SNX30: variants seen among roughly 807,000 people sequenced by gnomAD.
SNX30 encodes sorting nexin family member 30.
In SNX30, 24 loss-of-function variants were observed where a neutral mutation model predicts 46.4. That is an observed-to-expected ratio of 0.52 (90% CI 0.37 to 0.73). SNX30 has a LOEUF of 0.73. Ranked by LOEUF, SNX30 falls within the 30% of genes least tolerant of loss-of-function variation. The pLI is 0.00. For missense variants in SNX30, 533 were observed against 555.7 expected (o/e 0.96, Z 0.41); for synonymous variants, 189 against 211.5 (o/e 0.89, Z 0.92).
intron 7 of SNX30, among the ~76,000 whole-genome samples, chr9:112,863,534 C>A (rs1841272091): frequency 2.0e-5 from 3 of 152,204 alleles, no homozygotes; most frequent in Admixed American, 6.5e-5. Context: ...GTCTTCTAAA[C>A]CTCTTTAAGA....
At chr9:112,861,625 C>G (rs1057184005) in intron 7 of SNX30, among the ~76,000 whole-genome samples, 1 of 152,160 alleles carries the variant, frequency 6.6e-6, no homozygotes, top group Non-Finnish European at 1.5e-5. Flanking sequence ...GACTTTGGGA[C>G]GAGCCTCAGG....
At chr9:112,828,747 A>G (rs1221060267) in intron 3 of SNX30, among the ~76,000 whole-genome samples, 1 of 152,212 alleles carries the variant, frequency 6.6e-6, no homozygotes, top group Non-Finnish European at 1.5e-5. Flanking sequence ...ACTTTGAGGT[A>G]TGTAATACGC....
At chr9:112,876,826 C>A (rs1015412170), downstream of SNX30, among the ~76,000 whole-genome samples, 11 of 151,886 alleles carry the variant, frequency 7.2e-5, no homozygotes, top group African/African-American at 2.7e-4. Flanking sequence ...TTCCCAGCTG[C>A]TCAGGTGGCT....
At chr9:112,865,661 A>ATGTGTGTGTGTGTGTGTGTGTGTG (rs1277699270) in intron 8 of SNX30, among the ~76,000 whole-genome samples, 4 of 105,702 alleles carry the variant, frequency 3.8e-5, no homozygotes, top group Admixed American at 9.5e-5. Context: ...ATATATATAT[A>ATGTGTGTGTGTGTGTGTGTGTGTG]TGTATGTATG....
At chr9:112,837,395 A>G (rs1442782875) in intron 5 of SNX30, among the ~76,000 whole-genome samples, 1 of 152,018 alleles carries the variant, frequency 6.6e-6, no homozygotes, top group Non-Finnish European at 1.5e-5. Context: ...CTGCCAGTGT[A>G]AGACCACATC....
intron 7 of SNX30, among the ~76,000 whole-genome samples, chr9:112,854,049 C>G (rs1187744239): frequency 2.0e-5 from 3 of 152,240 alleles, no homozygotes; most frequent in East Asian, 1.9e-4. Context: ...AGCATCTGTA[C>G]AAGCTCAGCA....
chr9:112,830,236 T>A (rs951466907), intron 3 of SNX30, among the ~76,000 whole-genome samples: 2 of 151,918 alleles, frequency 1.3e-5, no homozygotes, highest in African/African-American at 4.8e-5. Flanking sequence ...ATAAAAGGTA[T>A]TTTTTTTAGA....
chr9:112,862,948 T>C (rs563285049), intron 7 of SNX30, among the ~76,000 whole-genome samples: 1 of 152,268 alleles, frequency 6.6e-6, no homozygotes, highest in Admixed American at 6.5e-5. Context: ...GCTTTTAAAT[T>C]TCCAGAGTGT....
chr9:112,777,410 T>C (rs1839763725), intron 1 of SNX30, among the ~76,000 whole-genome samples: 2 of 151,114 alleles, frequency 1.3e-5, no homozygotes, highest in Non-Finnish European at 2.9e-5. Context: ...CATATAATCT[T>C]TTTAAAGATA....
intron 1 of SNX30, 30 bp downstream of exon 1, chr9:112,751,187 G>T: frequency 2.8e-6 from 4 of 1,417,356 alleles, no homozygotes; most frequent in Non-Finnish European, 3.7e-6. Flanking sequence ...GGAGTGGGAG[G>T]CTTATTTCGC....
intron 1 of SNX30, among the ~76,000 whole-genome samples, chr9:112,788,020 TG>T: frequency 6.6e-6 from 1 of 152,054 alleles, no homozygotes; most frequent in Non-Finnish European, 1.5e-5. Context: ...AGGCTGGTCT[TG>T]AACTCCTGAC....
At chr9:112,865,846 G>A (rs1056362457) in intron 8 of SNX30, among the ~76,000 whole-genome samples, 4 of 151,364 alleles carry the variant, frequency 2.6e-5, no homozygotes, top group African/African-American at 9.7e-5. Context: ...AGTGCAGTCT[G>A]TTACCCAGAG....
At chr9:112,754,178 C>T (rs115657242) in intron 1 of SNX30, among the ~76,000 whole-genome samples, 26 of 152,224 alleles carry the variant, frequency 1.7e-4, no homozygotes, top group African/African-American at 4.3e-4. Context: ...CAAGATGGTG[C>T]GATGAACAGG....
At chr9:112,834,623 A>G (rs1168395820) in intron 4 of SNX30, among the ~76,000 whole-genome samples, 2 of 152,228 alleles carry the variant, frequency 1.3e-5, no homozygotes, top group Non-Finnish European at 2.9e-5. Flanking sequence ...AAGCTTCGTG[A>G]CAGCAGCATT....
intron 6 of SNX30, among the ~76,000 whole-genome samples, chr9:112,846,699 C>A (rs146918371): frequency 0.011 from 1,642 of 152,338 alleles, 9 homozygotes; most frequent in Non-Finnish European, 0.016. Context: ...TATGAACCAT[C>A]CCATCCTGCA....
intron 2 of SNX30, among the ~76,000 whole-genome samples, chr9:112,810,597 G>A (rs973029751): frequency 3.3e-5 from 5 of 152,178 alleles, no homozygotes; most frequent in Admixed American, 3.3e-4. Context: ...GCCGTTTAGA[G>A]GGAGATGTGT....
chr9:112,770,866 C>T (rs768604925), intron 1 of SNX30, among the ~76,000 whole-genome samples: 13 of 152,176 alleles, frequency 8.5e-5, no homozygotes, highest in South Asian at 4.1e-4. Flanking sequence ...CGTGGTGGCG[C>T]GTGCCTGTAG....
At chr9:112,764,405 G>T (rs1018009680) in intron 1 of SNX30, among the ~76,000 whole-genome samples, 23 of 152,078 alleles carry the variant, frequency 1.5e-4, no homozygotes, top group Non-Finnish European at 3.2e-4. Context: ...TAAAGAGATG[G>T]GGTCTCACTC....
rs1269783461 is a variant in SNX30, at chr9:112,864,416, A to G, written c.1254+17A>G. On this transcript the variant is annotated intron_variant, in intron 8 of 8. Transcript: ENST00000374232. ...TATGAGAAGGTAATGAGTGTGCCCA[A>G]CAAGACTGGTTTCTAATGGCCAGAG... is the stretch of plus-strand genomic sequence containing the variant. 2.5e-6 allele frequency: 4 copies of G among 1,613,926 alleles called. No homozygotes were observed. The highest frequency in any genetic ancestry group is 3.4e-6 in the Non-Finnish European group (4 of 1,179,944).
Sources: gnomAD v4.1 joint callset for allele counts (sites outside exome capture counted in the v4.1 genomes callset) on GRCh38, gnomAD v4.1.1 for gene constraint, MANE v1.5 for transcripts, NCBI Gene and HGNC (gene_info 2026-07-23, HGNC 2026-07-21) for gene names.